ERG: variants seen among roughly 807,000 people sequenced by gnomAD.
The protein encoded by ERG is ETS transcription factor ERG, also known as transcriptional regulator ERG.
Under a neutral mutation model 55.3 loss-of-function variants are expected in ERG, and 9 were observed. The ratio of observed to expected loss-of-function variants is 0.16; its 90% CI spans 0.10 to 0.28. The LOEUF (loss-of-function observed/expected upper bound fraction) is 0.28. Ranked by LOEUF, ERG falls within the 10% of genes least tolerant of loss-of-function variation. ERG has a pLI of 1.00. For missense variants in ERG, 434 were observed against 631.6 expected (o/e 0.69, Z 3.35); for synonymous variants, 223 against 237.3 (o/e 0.94, Z 0.55).
intron 2 of ERG, among the ~76,000 whole-genome samples, chr21:38,433,416 C>A (rs150434397): frequency 6.6e-6 from 1 of 152,092 alleles, no homozygotes; most frequent in East Asian, 1.9e-4. Flanking sequence ...ATACATAATA[C>A]CCCTTAAACA....
Position 38,429,582 on chromosome 21 carries a change from CAT to C in ERG, c.237-6023_237-6022del, listed in dbSNP as rs1242183621. Among the ~76,000 whole-genome samples the C allele has an allele frequency of 1.2e-4, 9 of 77,258 alleles. 4 individuals are homozygous for C. Among genetic ancestry groups the C allele is most frequent in the African/African-American group, 3.5e-4 (9 of 25,672 alleles). 50.7% of individuals were successfully genotyped at this position (77,258 alleles called of 152,430 possible). A position where few individuals can be genotyped will look rare whatever the true frequency, so the allele number is the denominator to read the frequency against. ...ACATGTATACACATGTACATATATA[CAT>C]ATGTGTATATGTACATGTATACACA... is the stretch of plus-strand genomic sequence containing the variant. On this transcript the variant is annotated intron_variant, in intron 2 of 9. Transcript: ENST00000288319.
chr21:38,641,353 C>G lies in ERG; in HGVS notation c.-150+20305G>C, dbSNP rs552600207. ...TATGAACCAGAAAATGGGCCCTCAACAGACAACAAACCTGCCAGTGCCTTG... is the reference window on the plus strand; with the variant it reads ...TATGAACCAGAAAATGGGCCCTCAAGAGACAACAAACCTGCCAGTGCCTTG... On this transcript the variant is annotated intron_variant, in intron 1 of 10. Coordinates refer to the ERG transcript ENST00000398910. Among the ~76,000 whole-genome samples the G allele has an allele frequency of 2.0e-4, 30 of 152,318 alleles. No individual in the cohort carries two copies. The South Asian group carries it at 6.2e-3, about 32-fold the overall frequency.
In ERG at chr21:38,602,001, T is replaced by C. The variant is rs543068466; in HGVS notation, c.-149-17056A>G. On this transcript the variant is annotated intron_variant, in intron 1 of 10. Transcript: ENST00000398910. ...GATTCAAGCAATCCTTAAAGAAGCA[T>C]ATTTCATAAAGAACACTTCTGAGTC... 3.7e-4 allele frequency among the ~76,000 whole-genome samples: 57 copies of C among 152,190 alleles called. 1 individual carries two copies. In the South Asian group the frequency reaches 8.3e-3, roughly 22 times the overall value.
intron 1 of ERG, among the ~76,000 whole-genome samples, chr21:38,644,709 GA>G (rs77168904): frequency 1.3e-5 from 2 of 152,032 alleles, no homozygotes; most frequent in Admixed American, 1.3e-4. Flanking sequence ...TATTTTGGGG[GA>G]AAAAATTGCC....
At chr21:38,418,030 T>A (rs1330224237) in intron 3 of ERG, among the ~76,000 whole-genome samples, 1 of 152,146 alleles carries the variant, frequency 6.6e-6, no homozygotes, top group Non-Finnish European at 1.5e-5. Context: ...CTTCATTTTT[T>A]TTTGGAATGT....
intron 2 of ERG, among the ~76,000 whole-genome samples, chr21:38,552,274 A>G (rs1335970981): frequency 6.6e-6 from 1 of 152,126 alleles, no homozygotes; most frequent in African/African-American, 2.4e-5. Flanking sequence ...GCTACTACCA[A>G]TCCTACTGAA....
At chr21:38,533,234 A>G (rs1293426762) in intron 2 of ERG, among the ~76,000 whole-genome samples, 1 of 152,230 alleles carries the variant, frequency 6.6e-6, no homozygotes, top group Non-Finnish European at 1.5e-5. Context: ...TCTGATGCAC[A>G]ACCCAGTGTT....
At chr21:38,432,852 A>G (rs1194301756) in intron 2 of ERG, among the ~76,000 whole-genome samples, 1 of 152,168 alleles carries the variant, frequency 6.6e-6, no homozygotes, top group Non-Finnish European at 1.5e-5. Flanking sequence ...TGCTTGGTAA[A>G]TCCGTGTGAG....
chr21:38,661,191 G>A lies in ERG; in HGVS notation c.-150+467C>T, dbSNP rs777959448. Among the ~76,000 whole-genome samples the A allele has an allele frequency of 1.8e-3, 275 of 152,022 alleles. 4 individuals are homozygous for A. Among genetic ancestry groups the A allele is most frequent in the Non-Finnish European group, 9.3e-4 (63 of 67,958 alleles). On this transcript the variant is annotated intron_variant, in intron 1 of 10. Transcript: ENST00000398910. ...GGTCAGGGGAGGGAAAGTGTGGGAG[G>A]GGGAGCCGCGGGGGTGCGCGCTCCT...
intron 8 of ERG, among the ~76,000 whole-genome samples, chr21:38,391,249 G>T (rs1395903740): frequency 6.6e-6 from 1 of 152,138 alleles, no homozygotes; most frequent in Non-Finnish European, 1.5e-5. Flanking sequence ...CCTAATTGGT[G>T]GCAGGGCTTG....
intron 1 of ERG, among the ~76,000 whole-genome samples, chr21:38,582,273 A>C (rs2060034790): frequency 6.6e-6 from 1 of 152,148 alleles, no homozygotes; most frequent in African/African-American, 2.4e-5. Context: ...TAACCTGGGG[A>C]CCCAATACTT....
At chr21:38,567,074 G>C (rs540566906) in intron 2 of ERG, among the ~76,000 whole-genome samples, 71 of 19,636 alleles carry the variant, frequency 3.6e-3, no homozygotes, top group African/African-American at 8.1e-3. Context: ...TCGCCAGACT[G>C]GGGGGGGGAT....
At chr21:38,645,352 T>C (rs2060449514) in intron 1 of ERG, among the ~76,000 whole-genome samples, 1 of 152,214 alleles carries the variant, frequency 6.6e-6, no homozygotes, top group East Asian at 1.9e-4. Flanking sequence ...ATAGGTTTCA[T>C]ATACATAAGA....
intron 2 of ERG, among the ~76,000 whole-genome samples, chr21:38,532,214 T>C (rs935188844): frequency 2.0e-5 from 3 of 152,102 alleles, no homozygotes; most frequent in South Asian, 2.1e-4. Flanking sequence ...ATTGGGCACA[T>C]GGGGGTTTCA....
intron 2 of ERG, among the ~76,000 whole-genome samples, chr21:38,530,386 T>C (rs1346400879): frequency 1.3e-5 from 2 of 152,108 alleles, no homozygotes; most frequent in South Asian, 2.1e-4. Context: ...GGAGGCATGA[T>C]TGTGTTCTCT....
intron 2 of ERG, among the ~76,000 whole-genome samples, chr21:38,560,693 T>A (rs1299585027): frequency 2.0e-5 from 3 of 152,162 alleles, no homozygotes; most frequent in African/African-American, 7.2e-5. Flanking sequence ...AAAGTGACTT[T>A]CCAAGCCCCT....
intron 2 of ERG, among the ~76,000 whole-genome samples, chr21:38,434,496 A>G (rs1990367552): frequency 6.6e-6 from 1 of 152,102 alleles, no homozygotes; most frequent in Non-Finnish European, 1.5e-5. Context: ...CTCCCTTCCA[A>G]TTGCACCATT....
chr21:38,378,051 A>C (rs1002122659), downstream of ERG, among the ~76,000 whole-genome samples: 1 of 152,190 alleles, frequency 6.6e-6, no homozygotes, highest in Admixed American at 6.5e-5. Context: ...CAATTTAGAG[A>C]CACAGAGCCA....
chr21:38,482,879 T>C (rs967962960), intron 1 of ERG, among the ~76,000 whole-genome samples: 7 of 152,162 alleles, frequency 4.6e-5, no homozygotes, highest in East Asian at 1.9e-4. Context: ...GCTTTCACCA[T>C]GTTGGCCAGG....
Sources: gnomAD v4.1 joint callset for allele counts (sites outside exome capture counted in the v4.1 genomes callset) on GRCh38, gnomAD v4.1.1 for gene constraint, MANE v1.5 for transcripts, NCBI Gene and HGNC (gene_info 2026-07-23, HGNC 2026-07-21) for gene names.